Variants in RAB6B observed in about 807,000 individuals in gnomAD.
RAB6B encodes the protein RAB6B, member RAS oncogene family, also known as ras-related protein Rab-6B.
Under a neutral mutation model 31.2 loss-of-function variants are expected in RAB6B, and 7 were observed. The observed-to-expected ratio is 0.22, with a 90% CI of 0.13 to 0.42. The LOEUF (loss-of-function observed/expected upper bound fraction) is 0.42. RAB6B is among the 10% of genes least tolerant of loss of function. The pLI, the probability that RAB6B is intolerant of heterozygous loss-of-function variation, is 1.00. For synonymous variants in RAB6B, 105 were observed against 104.9 expected, an observed-to-expected ratio of 1.00 and a Z score of -0.01; for missense variants, 149 against 280.6, an observed-to-expected ratio of 0.53 and a Z score of 3.35.
chr3:133,877,658 G>C (rs995241069), intron 1 of RAB6B, among the ~76,000 whole-genome samples: 1 of 151,734 alleles, frequency 6.6e-6, no homozygotes, highest in Non-Finnish European at 1.5e-5. Flanking sequence ...ATAAAGAGCA[G>C]AAAAAACAAT....
At chr3:133,844,607 C>G (rs1000356580) in intron 2 of RAB6B, among the ~76,000 whole-genome samples, 1 of 152,094 alleles carries the variant, frequency 6.6e-6, no homozygotes, top group Admixed American at 6.5e-5. Flanking sequence ...TGGAAAAATA[C>G]AAGAAATAAC....
intron 1 of RAB6B, among the ~76,000 whole-genome samples, chr3:133,868,286 G>A (rs1000317776): frequency 7.9e-5 from 12 of 152,146 alleles, no homozygotes; most frequent in African/African-American, 2.4e-5. Context: ...TACTTTCTCA[G>A]TCCCCCAACC....
intron 1 of RAB6B, among the ~76,000 whole-genome samples, chr3:133,865,362 G>A (rs1003734098): frequency 3.9e-5 from 6 of 152,226 alleles, no homozygotes; most frequent in African/African-American, 7.2e-5. Flanking sequence ...AAAACAGGAC[G>A]TCTCTTGGGA....
intron 1 of RAB6B, 143 bp downstream of exon 1, chr3:133,895,254 C>T: frequency 2.3e-6 from 2 of 871,148 alleles, no homozygotes; most frequent in Non-Finnish European, 3.5e-6. Context: ...CGACCCCGCC[C>T]CGACCTCCCC....
chr3:133,838,627 AT>A (rs1370830583), intron 5 of RAB6B, among the ~76,000 whole-genome samples: 1 of 152,124 alleles, frequency 6.6e-6, no homozygotes, highest in Non-Finnish European at 1.5e-5. Context: ...TATCAGTCGC[AT>A]TTTCCCTGTG....
chr3:133,827,302 C>G lies in RAB6B; in HGVS notation c.*1486G>C, dbSNP rs1241781576. On this transcript the variant is annotated 3_prime_UTR_variant, in exon 8 of 8. Coordinates refer to ENST00000285208, the MANE Select transcript of RAB6B (RefSeq NM_016577.4). Reference sequence around the variant, plus strand: ...CCCAGCAGCAGCCTGGAGGGAGAGCCAATGACAGCAGGGAGGGTGGGGTTT... The same window carrying G: ...CCCAGCAGCAGCCTGGAGGGAGAGCGAATGACAGCAGGGAGGGTGGGGTTT... 1.3e-5 allele frequency: 2 copies of G among 152,320 alleles called. No homozygotes were observed. The highest frequency in any genetic ancestry group is 2.9e-5 in the Non-Finnish European group (2 of 68,120). The allele number at this position is 152,320 out of a possible 1,614,324, so 9.4% of individuals were successfully genotyped here.
intron 7 of RAB6B, among the ~76,000 whole-genome samples, chr3:133,832,542 T>C: frequency 6.6e-6 from 1 of 152,318 alleles, no homozygotes. Flanking sequence ...ATTATGAACA[T>C]GACCCCAAAG....
At chr3:133,867,766 G>A (rs1296322207) in intron 1 of RAB6B, among the ~76,000 whole-genome samples, 2 of 152,316 alleles carry the variant, frequency 1.3e-5, no homozygotes, top group East Asian at 3.9e-4. Context: ...GGAGGGCTCA[G>A]AAAGTGAGGG....
At chr3:133,873,886 ATACTC>A (rs1936358235) in intron 1 of RAB6B, among the ~76,000 whole-genome samples, 1 of 152,248 alleles carries the variant, frequency 6.6e-6, no homozygotes, top group Non-Finnish European at 1.5e-5. Context: ...TATGTATTAT[ATACTC>A]TATTCTTAAG....
chr3:133,852,397 C>T (rs1201668943), intron 2 of RAB6B, among the ~76,000 whole-genome samples: 1 of 152,146 alleles, frequency 6.6e-6, no homozygotes, highest in African/African-American at 2.4e-5. Context: ...AACACTGTCA[C>T]TAGATGCCCT....
chr3:133,827,763 C>G lies in RAB6B; in HGVS notation c.*1025G>C, dbSNP rs1200521567. 3 of 116,358 alleles carry G rather than the reference C, an allele frequency of 2.6e-5. No individual in the cohort carries two copies. The highest frequency in any genetic ancestry group is 3.7e-5 in the Non-Finnish European group (2 of 54,378). 7.2% of individuals were successfully genotyped at this position (116,358 alleles called of 1,614,324 possible). On this transcript the variant is annotated 3_prime_UTR_variant, in exon 8 of 8. Transcript: ENST00000285208. ...CAGACAACACCCCCCCCCCCCCCCG[C>G]CTCCCCATCACAGAGGATCAACTCC...
chr3:133,862,736 C>T (rs1227442042), intron 2 of RAB6B, among the ~76,000 whole-genome samples: 1 of 152,124 alleles, frequency 6.6e-6, no homozygotes, highest in South Asian at 2.1e-4. Context: ...TTTTGAGGAA[C>T]TTGAATGACA....
chr3:133,858,021 G>A (rs891346921), intron 2 of RAB6B, among the ~76,000 whole-genome samples: 5 of 152,094 alleles, frequency 3.3e-5, no homozygotes, highest in Admixed American at 1.3e-4. Flanking sequence ...CCCTGGTCCC[G>A]GCCCAGCCCC....
chr3:133,844,673 C>T (rs71331733), intron 2 of RAB6B, among the ~76,000 whole-genome samples: 23,658 of 152,222 alleles, frequency 0.16, 2,273 homozygotes, highest in Middle Eastern at 0.25. Flanking sequence ...TGCAGTGGCT[C>T]ATGCCTGTAA....
At chr3:133,862,103 G>T (rs182493422) in intron 2 of RAB6B, among the ~76,000 whole-genome samples, 1 of 151,584 alleles carries the variant, frequency 6.6e-6, no homozygotes, top group African/African-American at 2.4e-5. Flanking sequence ...AGAGCACTGG[G>T]AAAGGAATTC....
chr3:133,828,615 G>T lies in RAB6B; in HGVS notation c.*173C>A. On this transcript the variant is annotated 3_prime_UTR_variant, in exon 8 of 8. Transcript: ENST00000285208. ...TTAAGTAACAGCCGTTAAGAGTGAT[G>T]TGATCCCTGATGCCCAGCCTCCCTC... 1 of 720,686 alleles carries T rather than the reference G, an allele frequency of 1.4e-6. No individual in the cohort carries two copies. The highest frequency in any genetic ancestry group is 2.5e-6 in the Non-Finnish European group (1 of 408,148). The allele number at this position is 720,686 out of a possible 1,614,324, so 44.6% of individuals were successfully genotyped here. A position where few individuals can be genotyped will look rare whatever the true frequency, so the allele number is the denominator to read the frequency against.
chr3:133,852,216 G>C (rs1935996952), intron 2 of RAB6B, among the ~76,000 whole-genome samples: 1 of 152,204 alleles, frequency 6.6e-6, no homozygotes, highest in South Asian at 2.1e-4. Flanking sequence ...TCTAGTCTCA[G>C]ACTTGTGCCA....
chr3:133,888,708 G>A (rs1316468589), intron 1 of RAB6B, among the ~76,000 whole-genome samples: 5 of 152,206 alleles, frequency 3.3e-5, no homozygotes, highest in Non-Finnish European at 7.4e-5. Flanking sequence ...TAGGGCAAAA[G>A]TTATGAAAAT....
At chr3:133,889,761 A>G (rs1195929857) in intron 1 of RAB6B, among the ~76,000 whole-genome samples, 1 of 152,100 alleles carries the variant, frequency 6.6e-6, no homozygotes, top group African/African-American at 2.4e-5. Context: ...GTTATAATTT[A>G]ATGTGATTCA....
Sources: allele counts gnomAD v4.1 joint callset (sites outside exome capture counted in the v4.1 genomes callset), GRCh38; gene constraint gnomAD v4.1.1; transcripts MANE v1.5; gene names NCBI Gene and HGNC (gene_info 2026-07-23, HGNC 2026-07-21).